Variants in SSB observed in about 807,000 individuals in gnomAD.
SSB encodes the protein lupus La protein.
SSB carries 17 observed loss-of-function variants against 52.9 expected under a neutral mutation model. That is an observed-to-expected ratio of 0.32 (90% CI 0.22 to 0.48). The LOEUF (loss-of-function observed/expected upper bound fraction) is 0.48. SSB is among the 20% of genes least tolerant of loss of function. SSB has a pLI of 0.99. For missense variants in SSB, 314 were observed against 463.6 expected (o/e 0.68, Z 2.96); for synonymous variants, 111 against 152.1 (o/e 0.73, Z 1.99).
intron 2 of SSB, among the ~76,000 whole-genome samples, chr2:169,801,782 C>T (rs1005087406): frequency 6.6e-6 from 1 of 152,162 alleles, no homozygotes; most frequent in African/African-American, 2.4e-5. Flanking sequence ...GATCTGCCCA[C>T]CTCAGCCTCC....
chr2:169,808,855 T>G lies in SSB; in HGVS notation c.627-5T>G. The G allele has an allele frequency of 6.3e-7, 1 of 1,582,030 alleles. No individual in the cohort carries two copies. Among genetic ancestry groups the G allele is most frequent in the Non-Finnish European group, 8.7e-7 (1 of 1,152,456 alleles). ...AGTATGTTATAATTATATTTTTATT[T>G]GTAGGGAGCAAGAAGCAAAACAAAA... On this transcript the variant is annotated splice_polypyrimidine_tract_variant and splice_region_variant and intron_variant, in intron 7 of 11. Transcript: ENST00000260956.
intron 7 of SSB, 112 bp from the exon 8 acceptor site, chr2:169,808,748 A>T: frequency 1.9e-6 from 2 of 1,072,948 alleles, no homozygotes; most frequent in Non-Finnish European, 2.7e-6. Context: ...AAACCTAAGG[A>T]CTTCTGGCTT....
intron 2 of SSB, among the ~76,000 whole-genome samples, chr2:169,804,240 C>CTTTT (rs11447613): frequency 1.2e-3 from 112 of 95,270 alleles, no homozygotes; most frequent in African/African-American, 2.3e-3. Context: ...TTTACTTTAA[C>CTTTT]TTTTTTTTTT....
At position 169,808,371 on chromosome 2, in the gene SSB, T is replaced by C. The variant is rs1689871234; in HGVS notation, c.555-111T>C. On this transcript the variant is annotated intron_variant, in intron 6 of 11. Coordinates refer to ENST00000260956, the MANE Select transcript of SSB (RefSeq NM_003142.5). Reference sequence around the variant, plus strand: ...AATTTTTAGTTGATGATTATGTTGATAGTAAGCGTGTGCAACATTCATTGC... The same window carrying C: ...AATTTTTAGTTGATGATTATGTTGACAGTAAGCGTGTGCAACATTCATTGC... 5.4e-6 allele frequency: 4 copies of C among 741,780 alleles called. No individual in the cohort carries two copies. In the Admixed American group the frequency reaches 8.5e-5, roughly 16 times the overall value. The allele number at this position is 741,780 out of a possible 1,614,324, so 45.9% of individuals were successfully genotyped here.
chr2:169,808,683 G>T, intron 7 of SSB, 130 bp downstream of exon 7: 1 of 1,050,098 alleles, frequency 9.5e-7, no homozygotes, highest in Non-Finnish European at 1.4e-6. Context: ...ATCTTAAGCT[G>T]CCTTGACAAT....
rs1450828714 is a variant in SSB, at chr2:169,811,128, T to C, written c.998-55T>C. 5 of 1,592,154 alleles carry C rather than the reference T, an allele frequency of 3.1e-6. No individual in the cohort carries two copies. The East Asian group carries it at 8.9e-5, about 28-fold the overall frequency. ...AAACTTTAATCAGTGTTCAAAAACA[T>C]TGACAAGAGACTTAAAAAAAGTTCT... On this transcript the variant is annotated intron_variant, in intron 10 of 11. Coordinates refer to ENST00000260956, the MANE Select transcript of SSB (RefSeq NM_003142.5).
intron 1 of SSB, among the ~76,000 whole-genome samples, chr2:169,800,258 C>T (rs550929267): frequency 3.4e-4 from 51 of 152,212 alleles, no homozygotes; most frequent in African/African-American, 1.0e-3. Context: ...AGGCCGGGCG[C>T]GGTGGCTCAC....
At chr2:169,801,610 T>A (rs548918743) in intron 2 of SSB, among the ~76,000 whole-genome samples, 1 of 146,128 alleles carries the variant, frequency 6.8e-6, no homozygotes, top group South Asian at 2.3e-4. Context: ...ATTGGCTCAC[T>A]GCAGCCTCTG....
At chr2:169,808,434 C>T (rs1689872730) in intron 6 of SSB, 48 bp from the exon 7 acceptor site, 2 of 1,473,236 alleles carry the variant, frequency 1.4e-6, no homozygotes, top group Admixed American at 1.7e-5. Flanking sequence ...AATCTGCAGT[C>T]TTAACTTTGT....
intron 5 of SSB, 24 bp from the exon 6 acceptor site, chr2:169,806,947 A>T: frequency 6.2e-7 from 1 of 1,611,138 alleles, no homozygotes; most frequent in Non-Finnish European, 8.5e-7. Flanking sequence ...TAACTTAAAA[A>T]AATATTTTCC....
Position 169,811,816 on chromosome 2 carries a change from G to A in SSB, c.*60G>A. The stretch of plus-strand genomic sequence containing the variant: ...GTTTTAAACGACTTTTGTTTGCGGG[G>A]CTTTTAAAAGGAAAACCGAATTAGG... On this transcript the variant is annotated 3_prime_UTR_variant, in exon 12 of 12. Coordinates refer to ENST00000260956, the MANE Select transcript of SSB (RefSeq NM_003142.5). 6.2e-7 allele frequency: 1 copy of A among 1,613,562 alleles called. No homozygotes were observed. The highest frequency in any genetic ancestry group is 2.2e-5 in the East Asian group (1 of 44,828).
At chr2:169,800,538 A>AAAAAAAAAAAAAAAAAAAAAT (rs1689690865) in intron 1 of SSB, among the ~76,000 whole-genome samples, 1 of 134,448 alleles carries the variant, frequency 7.4e-6, no homozygotes, top group African/African-American at 2.6e-5. Context: ...CCGTCTCAAA[A>AAAAAAAAAAAAAAAAAAAAAT]AAAAAAAAAA....
intron 2 of SSB, among the ~76,000 whole-genome samples, chr2:169,803,261 TTTA>T (rs1208410859): frequency 6.6e-5 from 10 of 152,120 alleles, no homozygotes; most frequent in Non-Finnish European, 1.2e-4. Context: ...ACATTATTTA[TTTA>T]TTTATTTTTT....
At chr2:169,803,156 C>T (rs1206437269) in intron 2 of SSB, among the ~76,000 whole-genome samples, 1 of 152,078 alleles carries the variant, frequency 6.6e-6, no homozygotes, top group Non-Finnish European at 1.5e-5. Flanking sequence ...TAATCTTAGC[C>T]AGTTTGTTAG....
intron 4 of SSB, 71 bp from the exon 5 acceptor site, chr2:169,806,714 C>G (rs1412845930): frequency 3.2e-6 from 4 of 1,261,590 alleles, no homozygotes; most frequent in Non-Finnish European, 4.5e-6. Flanking sequence ...AAAAATGAAT[C>G]AAATTCTCTC....
rs55845251 is a variant in SSB, at chr2:169,807,737, C to CTTTTTTTTTTTTT, written c.554+677_554+689dup. On this transcript the variant is annotated intron_variant, in intron 6 of 11. Transcript: ENST00000260956. ...ATCTTATTTTTCATAGCCTATATGT[C>CTTTTTTTTTTTTT]TTTTTTTTTTTTTTTTTTTTTTTAC... Among the ~76,000 whole-genome samples the CTTTTTTTTTTTTT allele has an allele frequency of 8.8e-4, 65 of 74,028 alleles. 3 individuals carry two copies. Among genetic ancestry groups the CTTTTTTTTTTTTT allele is most frequent in the East Asian group, 1.5e-3 (3 of 2,046 alleles). The allele number at this position is 74,028 out of a possible 152,430, so 48.6% of individuals were successfully genotyped here. A position where few individuals can be genotyped will look rare whatever the true frequency, so the allele number is the denominator to read the frequency against.
chr2:169,800,757 T>C (rs1311501064), intron 1 of SSB, among the ~76,000 whole-genome samples, 195 bp from the exon 2 acceptor site: 1 of 152,182 alleles, frequency 6.6e-6, no homozygotes, highest in African/African-American at 2.4e-5. Flanking sequence ...TTATAGTTTT[T>C]AGATTTTTTC....
Position 169,808,466 on chromosome 2 carries a change from A to G in SSB, c.555-16A>G. On this transcript the variant is annotated splice_polypyrimidine_tract_variant and intron_variant, in intron 6 of 11. Coordinates refer to ENST00000260956, the MANE Select transcript of SSB (RefSeq NM_003142.5). ...TTGTTCTCGTGAACTTAGCCTCTGT[A>G]CTGTGTGTTCTTTAGGGACGATTAC... is the stretch of plus-strand genomic sequence containing the variant. The G allele has an allele frequency of 6.2e-7, 1 of 1,608,368 alleles. No individual in the cohort carries two copies. The highest frequency in any genetic ancestry group is 8.5e-7 in the Non-Finnish European group (1 of 1,174,964).
chr2:169,810,946 A>T lies in SSB; in HGVS notation c.899A>T (p.Glu300Val), dbSNP rs750214755. 1.7e-5 allele frequency: 27 copies of T among 1,613,646 alleles called. No individual in the cohort carries two copies. In the South Asian group the frequency reaches 3.0e-4, roughly 18 times the overall value. The part of the protein sequence containing the change: ...NNGNLQLRNK[E>V]VTWEVLEGEV... ...GGTAACCTACAATTAAGGAACAAAG[A>T]AGTGACTTGGGAAGTACTAGAAGGA... The change falls in exon 10 of 12, where the codon GAA (glutamate) becomes GTA (valine). Residue 300 changes from glutamate to valine, a missense_variant. Coordinates refer to ENST00000260956, the MANE Select transcript of SSB (RefSeq NM_003142.5).
Sources: allele counts gnomAD v4.1 joint callset (sites outside exome capture counted in the v4.1 genomes callset), GRCh38; gene constraint gnomAD v4.1.1; transcripts MANE v1.5; gene names NCBI Gene and HGNC (gene_info 2026-07-23, HGNC 2026-07-21).